Variants in NDE1 observed in about 807,000 individuals in gnomAD.
NDE1 encodes the protein nuclear distribution protein nudE homolog 1.
In NDE1, 28 loss-of-function variants were observed where a neutral mutation model predicts 43.4. The observed-to-expected ratio is 0.65, with a 90% CI of 0.48 to 0.89. The LOEUF is 0.89. Ranked by LOEUF, NDE1 falls within the 40% of genes least tolerant of loss-of-function variation. The probability of loss-of-function intolerance (pLI) is 0.00; values close to 1 mark genes in which losing one functional copy is unlikely to be tolerated. For synonymous variants in NDE1, 184 were observed against 172.0 expected (o/e 1.07, Z -0.55); for missense variants, 441 against 434.1 (o/e 1.02, Z -0.14).
At chr16:15,708,094 G>A (rs2039564070) in intron 8 of NDE1, among the ~76,000 whole-genome samples, 1 of 152,094 alleles carries the variant, frequency 6.6e-6, no homozygotes, top group African/African-American at 2.4e-5. Flanking sequence ...TGCCCGTGAA[G>A]CCTCCAGAAA....
chr16:15,663,919 T>C (rs2037173469), intron 1 of NDE1, among the ~76,000 whole-genome samples: 1 of 151,878 alleles, frequency 6.6e-6, no homozygotes, highest in Non-Finnish European at 1.5e-5. Flanking sequence ...ATAGAAAAAT[T>C]AGCCAGGCGT....
intron 8 of NDE1, chr16:15,720,407 C>T: frequency 6.7e-7 from 1 of 1,495,348 alleles, no homozygotes; most frequent in Non-Finnish European, 9.1e-7. Context: ...TTCCCCAGCA[C>T]AGCCCCCTTG....
At chr16:15,688,266 G>A (rs2038540686) in intron 5 of NDE1, among the ~76,000 whole-genome samples, 1 of 152,068 alleles carries the variant, frequency 6.6e-6, no homozygotes, top group Non-Finnish European at 1.5e-5. Flanking sequence ...CAATATATTT[G>A]GCTAAAACTT....
intron 1 of NDE1, 92 bp from the exon 2 acceptor site, chr16:15,664,644 C>T (rs1434313862): frequency 3.1e-5 from 24 of 763,790 alleles, no homozygotes; most frequent in South Asian, 1.7e-4. Context: ...CGTGAGCCAC[C>T]GCGCCTGGCC....
intron 8 of NDE1, chr16:15,699,578 CCTCTT>C: frequency 8.4e-7 from 1 of 1,196,002 alleles, no homozygotes; most frequent in Non-Finnish European, 1.1e-6. Flanking sequence ...TAGCCAGTGT[CCTCTT>C]CTTCATTTCA....
chr16:15,726,129 C>T lies in NDE1; in HGVS notation c.*1878C>T, dbSNP rs1204689418. On this transcript the variant is annotated 3_prime_UTR_variant, in exon 9 of 9. Coordinates refer to ENST00000396354, the MANE Select transcript of NDE1 (RefSeq NM_017668.3). ...GCTCCTCCTCCCCCAGGTTAGGCCC[C>T]CTGGTTATTTACACTTGGGCATCAT... is the stretch of plus-strand genomic sequence containing the variant. 1 of 162,162 alleles carries T rather than the reference C, an allele frequency of 6.2e-6. No individual in the cohort carries two copies. Among genetic ancestry groups the T allele is most frequent in the African/African-American group, 2.4e-5 (1 of 41,818 alleles). 10.0% of individuals were successfully genotyped at this position (162,162 alleles called of 1,614,324 possible).
intron 1 of NDE1, among the ~76,000 whole-genome samples, chr16:15,653,799 C>G (rs1660822607): frequency 6.6e-6 from 1 of 151,164 alleles, no homozygotes; most frequent in Admixed American, 6.6e-5. Flanking sequence ...GCGATCTCGG[C>G]TCACTGCAAC....
rs1375279466 is a variant in NDE1 at position 15,724,910 on chromosome 16, C to G, written c.*659C>G. The G allele has an allele frequency of 6.2e-7, 1 of 1,614,058 alleles. No homozygotes were observed. Among genetic ancestry groups the G allele is most frequent in the Non-Finnish European group, 8.5e-7 (1 of 1,180,050 alleles). On this transcript the variant is annotated 3_prime_UTR_variant, in exon 9 of 9. Transcript: ENST00000396354. ...CACCTGGGTGTCCTGGAGCTGGGAA[C>G]TGAGGGACGCCACGTCCTTGGCCAG...
rs1041536615 is a variant in NDE1, at chr16:15,685,168, C to G, written c.387-2207C>G. ...ACATATTATTATGTGAATATTTTAT[C>G]TTTGATATGTCAACCTTAGGGCTGT... On this transcript the variant is annotated intron_variant, in intron 4 of 8. Transcript: ENST00000396354. Among the ~76,000 whole-genome samples, 4 of 152,174 alleles carry G rather than the reference C, an allele frequency of 2.6e-5. No individual in the cohort carries two copies. In the East Asian group the frequency reaches 5.8e-4, roughly 22 times the overall value.
intron 8 of NDE1, chr16:15,721,086 C>G (rs1205567687): frequency 1.2e-6 from 2 of 1,608,416 alleles, no homozygotes; most frequent in African/African-American, 2.7e-5. Context: ...TTCTATGAGG[C>G]TCAACTTCAT....
chr16:15,705,838 G>A (rs531810435), intron 8 of NDE1, among the ~76,000 whole-genome samples: 4 of 151,874 alleles, frequency 2.6e-5, no homozygotes, highest in South Asian at 2.1e-4. Flanking sequence ...AAAATTAGCC[G>A]GGCGTGCTGG....
In NDE1 at chr16:15,726,037, G is replaced by T. The variant is rs542729053; in HGVS notation, c.*1786G>T. On this transcript the variant is annotated 3_prime_UTR_variant, in exon 9 of 9. Transcript: ENST00000396354. ...CTCCTAATTTTTCTACTTACCACAG[G>T]GCCTTTGCACACGCTGTTCCCTCTG... The T allele has an allele frequency of 2.0e-4, 46 of 230,166 alleles. No homozygotes were observed. Among genetic ancestry groups the T allele is most frequent in the Non-Finnish European group, 3.4e-4 (41 of 119,298 alleles). The allele number at this position is 230,166 out of a possible 1,614,324, so 14.3% of individuals were successfully genotyped here.
rs559678183 is a variant in NDE1 at position 15,684,912 on chromosome 16, C to G, written c.387-2463C>G. ...GGCTTTATAGTAGTGCGTTCTGACTCTCTGGTAGAGCTAGTTCCCTGATCT... is the reference window on the plus strand; with the variant it reads ...GGCTTTATAGTAGTGCGTTCTGACTGTCTGGTAGAGCTAGTTCCCTGATCT... On this transcript the variant is annotated intron_variant, in intron 4 of 8. Coordinates refer to ENST00000396354, the MANE Select transcript of NDE1 (RefSeq NM_017668.3). Among the ~76,000 whole-genome samples, 4 of 152,316 alleles carry G rather than the reference C, an allele frequency of 2.6e-5. No homozygotes were observed. In the East Asian group the frequency reaches 7.7e-4, roughly 29 times the overall value.
intron 1 of NDE1, among the ~76,000 whole-genome samples, chr16:15,644,535 T>C (rs2036262947): frequency 2.0e-5 from 3 of 152,252 alleles, no homozygotes; most frequent in African/African-American, 7.2e-5. Flanking sequence ...CCCAATACTT[T>C]GAGAGGCTAC....
chr16:15,672,713 C>G (rs2037659324), intron 3 of NDE1: 1 of 152,226 alleles, frequency 6.6e-6, no homozygotes, highest in African/African-American at 2.4e-5. Flanking sequence ...CTCTCAATCG[C>G]CAGTGCAGTC....
At chr16:15,659,997 T>A (rs1476316780) in intron 1 of NDE1, among the ~76,000 whole-genome samples, 1 of 151,750 alleles carries the variant, frequency 6.6e-6, no homozygotes, top group Non-Finnish European at 1.5e-5. Flanking sequence ...TCTGCCCGCC[T>A]CGGCCTCCCA....
chr16:15,696,572 C>A, intron 7 of NDE1, 137 bp from the exon 8 acceptor site: 1 of 1,521,350 alleles, frequency 6.6e-7, no homozygotes, highest in South Asian at 1.2e-5. Context: ...TTGGATTCCT[C>A]TTGGGGTCCC....
At chr16:15,699,696 A>G (rs1036809124) in intron 8 of NDE1, 9 of 1,340,844 alleles carry the variant, frequency 6.7e-6, no homozygotes, top group Admixed American at 4.0e-5. Context: ...CACAGCTGTT[A>G]TGTCAGCTTA....
chr16:15,707,477 T>G (rs1004618664), intron 8 of NDE1, among the ~76,000 whole-genome samples: 1 of 152,170 alleles, frequency 6.6e-6, no homozygotes, highest in Non-Finnish European at 1.5e-5. Context: ...GCTTATCCTA[T>G]GATCCCAATC....
Sources: gnomAD v4.1 joint callset for allele counts (sites outside exome capture counted in the v4.1 genomes callset) on GRCh38, gnomAD v4.1.1 for gene constraint, MANE v1.5 for transcripts, NCBI Gene and HGNC (gene_info 2026-07-23, HGNC 2026-07-21) for gene names.